Variants in TMEM67 observed in about 807,000 individuals in gnomAD.
The protein encoded by TMEM67 is transmembrane protein 67, also known as meckelin.
Under a neutral mutation model 136.6 loss-of-function variants are expected in TMEM67, and 124 were observed. The observed-to-expected ratio is 0.91, with a 90% CI of 0.78 to 1.05. TMEM67 has a LOEUF of 1.05. Ranked by LOEUF, TMEM67 falls within the 50% of genes least tolerant of loss-of-function variation. The probability of loss-of-function intolerance (pLI) is 0.00; values close to 1 mark genes in which losing one functional copy is unlikely to be tolerated. For synonymous variants in TMEM67, 364 were observed against 390.5 expected, an observed-to-expected ratio of 0.93 and a Z score of 0.80; for missense variants, 1,107 against 1,178.4, an observed-to-expected ratio of 0.94 and a Z score of 0.89.
At chr8:93,832,056 C>T in the TMEM67 span, among the ~76,000 whole-genome samples, 3 of 152,166 alleles carry the variant, frequency 2.0e-5, no homozygotes, top group Admixed American at 2.0e-4. Context: ...TCCTTTTAGG[C>T]CCTGGCCTGC....
rs546722532 is a variant in TMEM67 at position 93,766,837 on chromosome 8, A to G, written c.651+1191A>G. ...CCAAGTAGTTACCAGACAACAAAAT[A>G]AAAGCTAAAATACATAGGTAGCTCT... On this transcript the variant is annotated intron_variant, in intron 6 of 27. Transcript: ENST00000453321. Among the ~76,000 whole-genome samples the G allele has an allele frequency of 2.6e-5, 4 of 152,292 alleles. No homozygotes were observed. In the South Asian group the frequency reaches 8.3e-4, roughly 32 times the overall value.
rs777641401 is a variant in TMEM67 at position 93,785,310 on chromosome 8, A to T, written c.1220A>T (p.His407Leu). The T allele has an allele frequency of 3.0e-5, 48 of 1,606,904 alleles. No individual in the cohort carries two copies. The highest frequency in any genetic ancestry group is 3.9e-5 in the Non-Finnish European group (46 of 1,174,160). Residue 407 changes from histidine (H) to leucine (L), a missense_variant, in exon 12 of 28, where the codon CAT becomes CTT. Coordinates refer to ENST00000453321, the MANE Select transcript of TMEM67 (RefSeq NM_153704.6). The part of the protein sequence containing the change: ...VYLEYTDENQ[H>L]QYILAVPVLN... ...CTTGAATATACTGATGAAAATCAAC[A>T]TCAATATATTTTGGCTGTGCCTGTG...
At chr8:93,798,312 C>T (rs989911787) in intron 20 of TMEM67, among the ~76,000 whole-genome samples, 2 of 152,188 alleles carry the variant, frequency 1.3e-5, no homozygotes, top group African/African-American at 4.8e-5. Context: ...TTTGAGGTAA[C>T]TCCAGGTATC....
rs55844328 is a variant in TMEM67, at chr8:93,799,452, T to C, written c.2101-166T>C. 0.17 allele frequency among the ~76,000 whole-genome samples: 25,842 copies of C among 152,196 alleles called. 2,798 individuals are homozygous for C. The highest frequency in any genetic ancestry group is 0.24 in the Non-Finnish European group (16,175 of 67,998). On this transcript the variant is annotated intron_variant, in intron 20 of 27. Transcript: ENST00000453321. ...ATATTGTGTAATAAATACTTTGTAG[T>C]TAAAATACTATATAATAATTATTTT...
intron 21 of TMEM67, among the ~76,000 whole-genome samples, chr8:93,800,001 G>A (rs1190815767): frequency 2.7e-5 from 4 of 150,428 alleles, no homozygotes; most frequent in Non-Finnish European, 3.0e-5. Context: ...TCTGCCTTCC[G>A]GGTTCAAGCA....
chr8:93,755,868 T>C lies in TMEM67; in HGVS notation c.312+2T>C. On this transcript the variant is annotated splice_donor_variant, in intron 2 of 27. Coordinates refer to ENST00000453321, the MANE Select transcript of TMEM67 (RefSeq NM_153704.6). LOFTEE classifies it high-confidence loss of function. ...TGTAAAAAGTGCCCAGAAAACATGG[T>C]GCGCATAATTTATTTTAAAATAACT... 6.5e-7 allele frequency: 1 copy of C among 1,538,182 alleles called. No homozygotes were observed. The highest frequency in any genetic ancestry group is 8.9e-7 in the Non-Finnish European group (1 of 1,119,162).
intron 11 of TMEM67, among the ~76,000 whole-genome samples, chr8:93,784,317 C>G (rs1813997815): frequency 6.6e-6 from 1 of 152,106 alleles, no homozygotes; most frequent in Non-Finnish European, 1.5e-5. Context: ...CCATTTGATT[C>G]ATAAAATAAC....
intron 26 of TMEM67, among the ~76,000 whole-genome samples, chr8:93,812,515 A>G (rs1474279613): frequency 6.6e-6 from 1 of 152,204 alleles, no homozygotes; most frequent in East Asian, 1.9e-4. Flanking sequence ...AAAATATTGT[A>G]GCTTTCAAAG....
At chr8:93,785,500 C>T (rs1445995486) in intron 12 of TMEM67, 122 bp downstream of exon 12, 1 of 995,816 alleles carries the variant, frequency 1.0e-6, no homozygotes, top group Non-Finnish European at 1.5e-6. Flanking sequence ...TTATGTGGTT[C>T]TATACAGTGT....
chr8:93,806,352 T>C (rs1285129678), intron 23 of TMEM67, among the ~76,000 whole-genome samples: 2 of 152,174 alleles, frequency 1.3e-5, no homozygotes, highest in African/African-American at 2.4e-5. Context: ...GAAAATGGCA[T>C]GATGGTTATT....
At chr8:93,812,933 A>G (rs1808756708) in intron 26 of TMEM67, among the ~76,000 whole-genome samples, 1 of 151,702 alleles carries the variant, frequency 6.6e-6, no homozygotes. Flanking sequence ...GCGGGGTTTC[A>G]CCATGTTGGT....
intron 6 of TMEM67, among the ~76,000 whole-genome samples, chr8:93,768,142 AG>A (rs1430678220): frequency 7.2e-5 from 11 of 152,034 alleles, no homozygotes; most frequent in Admixed American, 7.2e-4. Context: ...CTGGGATTAC[AG>A]GCATGAGCCA....
rs76686983 is a variant in TMEM67, at chr8:93,784,573, G to T, written c.1132-649G>T. 1.3e-3 allele frequency among the ~76,000 whole-genome samples: 196 copies of T among 152,310 alleles called. 2 individuals carry two copies. Among genetic ancestry groups the T allele is most frequent in the African/African-American group, 4.6e-3 (190 of 41,572 alleles). ...AGTGTCATTCTATAGGTATGTACAAGGTACTGATTCCTGGGGAAGTATAGA... is the reference window on the plus strand; with the variant it reads ...AGTGTCATTCTATAGGTATGTACAATGTACTGATTCCTGGGGAAGTATAGA... On this transcript the variant is annotated intron_variant, in intron 11 of 27. Transcript: ENST00000453321.
intron 3 of TMEM67, among the ~76,000 whole-genome samples, chr8:93,760,327 A>G (rs60585300): frequency 1.6e-3 from 241 of 152,312 alleles, no homozygotes; most frequent in African/African-American, 5.4e-3. Context: ...ATGGAACTTA[A>G]AACAGGCAAT....
rs1285796197 is a variant in TMEM67, at chr8:93,808,952, T to C, written c.2552T>C (p.Ile851Thr). ...QHYDRIHETL[I>T]RKNGPARLLS... ...TATGACAGAATTCATGAGACACTAA[T>C]AAGGGTTTGTATAAAGTACAGTTCA... Residue 851 changes from isoleucine to threonine, a missense_variant, in exon 24 of 28, where the codon ATA (isoleucine) becomes ACA (threonine). Physicochemically the swap from Ile to Thr is moderately conservative, Grantham distance 89. This residue lies in a region of TMEM67 where 925 missense variants were observed against 1,002.4 expected (regional missense o/e 0.92). Transcript: ENST00000453321. The C allele has an allele frequency of 6.3e-7, 1 of 1,584,722 alleles. No homozygotes were observed. Among genetic ancestry groups the C allele is most frequent in the Non-Finnish European group, 8.7e-7 (1 of 1,153,466 alleles).
At chr8:93,819,381 C>G, downstream of TMEM67, 1 of 344,406 alleles carries the variant, frequency 2.9e-6, no homozygotes. Flanking sequence ...CTGTGGGAGA[C>G]ACAGTTTGTG....
chr8:93,796,201 A>T (rs1277018501), intron 18 of TMEM67, among the ~76,000 whole-genome samples: 1 of 152,164 alleles, frequency 6.6e-6, no homozygotes, highest in African/African-American at 2.4e-5. Context: ...GAAGCCATGA[A>T]TTTGTATGGC....
chr8:93,795,814 A>G, intron 17 of TMEM67, 87 bp from the exon 18 acceptor site: 1 of 1,171,544 alleles, frequency 8.5e-7, no homozygotes, highest in Admixed American at 2.0e-5. Flanking sequence ...CCTTTCCCAA[A>G]AAAAAACAAA....
At position 93,765,438 on chromosome 8, in the gene TMEM67, C is replaced by T. The variant is rs781361559; in HGVS notation, c.539C>T (p.Thr180Ile). ...CGATGTGAGCCAACATTTGTTAATA[C>T]CAGCAGGTCCTGTGCATGTTCAGAA... is the stretch of plus-strand genomic sequence containing the variant. ...CVRCEPTFVN[T>I]SRSCACSEPN... The change falls in exon 5 of 28, where the codon ACC becomes ATC. Residue 180 changes from threonine (T) to isoleucine (I), a missense_variant. Thr to Ile is a moderately conservative substitution (Grantham distance 89). Coordinates refer to ENST00000453321, the MANE Select transcript of TMEM67 (RefSeq NM_153704.6). 2.5e-6 allele frequency: 4 copies of T among 1,611,856 alleles called. No homozygotes were observed. The East Asian group carries it at 6.7e-5, about 27-fold the overall frequency.
Sources: gnomAD v4.1 joint callset for allele counts (sites outside exome capture counted in the v4.1 genomes callset) on GRCh38, gnomAD v4.1.1 for gene constraint, gnomAD v4.1.1 regional missense constraint, MANE v1.5 for transcripts, NCBI Gene and HGNC (gene_info 2026-07-23, HGNC 2026-07-21) for gene names.